GRIA4: variants seen among roughly 807,000 people sequenced by gnomAD.
GRIA4 encodes glutamate receptor 4.
In GRIA4, 34 loss-of-function variants were observed where a neutral mutation model predicts 104.0. The observed-to-expected ratio is 0.33, with a 90% CI of 0.25 to 0.44. The LOEUF (loss-of-function observed/expected upper bound fraction) is 0.44, where lower values mean the gene tolerates loss of function less well. GRIA4 is among the 20% of genes least tolerant of loss of function. The pLI is 1.00. For synonymous variants in GRIA4, 386 were observed against 381.9 expected, an observed-to-expected ratio of 1.01 and a Z score of -0.13; for missense variants, 750 against 1,096.5, an observed-to-expected ratio of 0.68 and a Z score of 4.46.
intron 6 of GRIA4, among the ~76,000 whole-genome samples, chr11:105,890,271 G>A (rs1695450075): frequency 6.6e-6 from 1 of 152,130 alleles, no homozygotes; most frequent in Admixed American, 6.5e-5. Context: ...AAATATAGGT[G>A]TTCTTTAGAT....
At chr11:105,819,133 T>C (rs891140465) in intron 4 of GRIA4, among the ~76,000 whole-genome samples, 4 of 152,134 alleles carry the variant, frequency 2.6e-5, no homozygotes, top group Non-Finnish European at 4.4e-5. Flanking sequence ...CATTTATGAT[T>C]TCAAGAACTA....
intron 4 of GRIA4, chr11:105,797,666 T>C: frequency 3.1e-6 from 1 of 320,980 alleles, no homozygotes; most frequent in Admixed American, 4.0e-5. Flanking sequence ...AACTTAATCG[T>C]GCTACCTTTT....
intron 3 of GRIA4, among the ~76,000 whole-genome samples, chr11:105,723,251 T>C (rs1360034455): frequency 1.3e-5 from 2 of 152,146 alleles, no homozygotes; most frequent in Non-Finnish European, 2.9e-5. Flanking sequence ...CTGAGTGTAA[T>C]GGGCTCTTTA....
chr11:105,728,554 C>T (rs1281694793), intron 3 of GRIA4, among the ~76,000 whole-genome samples: 2 of 152,146 alleles, frequency 1.3e-5, no homozygotes, highest in Non-Finnish European at 2.9e-5. Flanking sequence ...AATATACATT[C>T]TTCTAAGCAC....
In GRIA4 at chr11:105,941,584, A is replaced by G. The variant is rs149249794; in HGVS notation, c.2294+7615A>G. Among the ~76,000 whole-genome samples, 282 of 152,198 alleles carry G rather than the reference A, an allele frequency of 1.9e-3. 1 individual carries two copies. The highest frequency in any genetic ancestry group is 0.014 in the Middle Eastern group (4 of 294). Reference sequence around the variant, plus strand: ...TTTTTTTTTAATTCTGGTGTACTCAATGAAGAAATTGACCCACAGATAAGT... The same window carrying G: ...TTTTTTTTTAATTCTGGTGTACTCAGTGAAGAAATTGACCCACAGATAAGT... On this transcript the variant is annotated intron_variant, in intron 14 of 16. Coordinates refer to ENST00000282499, the MANE Select transcript of GRIA4 (RefSeq NM_000829.4).
intron 5 of GRIA4, among the ~76,000 whole-genome samples, chr11:105,866,549 G>GTATATATATATATATATATATATATA (rs1345654796): frequency 2.6e-5 from 2 of 78,268 alleles, no homozygotes; most frequent in African/African-American, 4.5e-5. Flanking sequence ...GTGTGTGTGT[G>GTATATATATATATATATATATATATA]TGTATATATA....
At chr11:105,903,079 CAA>C in intron 7 of GRIA4, among the ~76,000 whole-genome samples, 1 of 152,210 alleles carries the variant, frequency 6.6e-6, no homozygotes, top group South Asian at 2.1e-4. Context: ...ACTCTTTTCT[CAA>C]AGAGAAGCAG....
chr11:105,714,940 T>G (rs1954041078), intron 3 of GRIA4, among the ~76,000 whole-genome samples: 1 of 152,084 alleles, frequency 6.6e-6, no homozygotes, highest in African/African-American at 2.4e-5. Flanking sequence ...CATCAGCTTT[T>G]CTGGTCTCCA....
chr11:105,934,474 T>C (rs2136213500), intron 14 of GRIA4, among the ~76,000 whole-genome samples: 1 of 152,282 alleles, frequency 6.6e-6, no homozygotes, highest in Admixed American at 6.5e-5. Context: ...CATGCTAAGT[T>C]TGAAATAACA....
chr11:105,724,394 CACAT>C (rs1938047694), intron 3 of GRIA4, among the ~76,000 whole-genome samples: 1 of 66,496 alleles, frequency 1.5e-5, no homozygotes, highest in East Asian at 4.4e-4. Flanking sequence ...CACACACACA[CACAT>C]ATATATATGT....
chr11:105,811,991 G>C (rs1943190462), intron 4 of GRIA4, among the ~76,000 whole-genome samples: 1 of 152,202 alleles, frequency 6.6e-6, no homozygotes, highest in Non-Finnish European at 1.5e-5. Context: ...GGAATCTGCA[G>C]ACCGTGATTT....
intron 3 of GRIA4, among the ~76,000 whole-genome samples, chr11:105,727,078 C>T (rs1938258297): frequency 6.6e-6 from 1 of 151,910 alleles, no homozygotes; most frequent in Non-Finnish European, 1.5e-5. Flanking sequence ...TGGGTAATAA[C>T]AAACTCCTTC....
intron 4 of GRIA4, among the ~76,000 whole-genome samples, chr11:105,786,621 T>C (rs1941977686): frequency 6.6e-6 from 1 of 152,188 alleles, no homozygotes; most frequent in African/African-American, 2.4e-5. Context: ...TCCCTTCTAA[T>C]TCAGTGGAGG....
intron 14 of GRIA4, among the ~76,000 whole-genome samples, chr11:105,954,794 C>CAG (rs1469250089): frequency 2.4e-4 from 36 of 151,858 alleles, no homozygotes; most frequent in Admixed American, 7.2e-4. Context: ...GGGGTTAGGT[C>CAG]TGAGCATGAG....
intron 9 of GRIA4, among the ~76,000 whole-genome samples, chr11:105,908,658 C>A (rs1165352426): frequency 2.7e-5 from 4 of 150,802 alleles, no homozygotes; most frequent in African/African-American, 9.8e-5. Context: ...TTTGCCAGCA[C>A]TTCTGAATCA....
intron 3 of GRIA4, among the ~76,000 whole-genome samples, chr11:105,646,901 G>T (rs987923306): frequency 6.6e-6 from 1 of 152,116 alleles, no homozygotes; most frequent in African/African-American, 2.4e-5. Flanking sequence ...TCATGACAAA[G>T]ATGTCAAAAG....
At chr11:105,822,639 T>G (rs1943618134) in intron 4 of GRIA4, among the ~76,000 whole-genome samples, 1 of 152,110 alleles carries the variant, frequency 6.6e-6, no homozygotes, top group Non-Finnish European at 1.5e-5. Context: ...AAATTTTGTT[T>G]TGCTTTGGTA....
At chr11:105,714,535 A>G (rs2080385138) in intron 3 of GRIA4, among the ~76,000 whole-genome samples, 1 of 152,096 alleles carries the variant, frequency 6.6e-6, no homozygotes, top group Non-Finnish European at 1.5e-5. Flanking sequence ...CATGCTTAAG[A>G]CTTGAGTATA....
chr11:105,830,471 T>G (rs1212218172), intron 4 of GRIA4, among the ~76,000 whole-genome samples: 1 of 151,988 alleles, frequency 6.6e-6, no homozygotes, highest in Non-Finnish European at 1.5e-5. Flanking sequence ...GATGAAGACT[T>G]GGGAGGAGAA....
Sources: allele counts gnomAD v4.1 joint callset (sites outside exome capture counted in the v4.1 genomes callset), GRCh38; gene constraint gnomAD v4.1.1; transcripts MANE v1.5; gene names NCBI Gene and HGNC (gene_info 2026-07-23, HGNC 2026-07-21).